PDE4D: variants seen among roughly 807,000 people sequenced by gnomAD.
The protein encoded by PDE4D is 3',5'-cyclic-AMP phosphodiesterase 4D.
In PDE4D, 24 loss-of-function variants were observed where a neutral mutation model predicts 87.4. The observed-to-expected ratio is 0.27, with a 90% confidence interval of 0.20 to 0.39. The LOEUF is 0.39. PDE4D is among the 10% of genes least tolerant of loss of function. The pLI is 1.00. For synonymous variants in PDE4D, 384 were observed against 383.2 expected (o/e 1.00, Z -0.02); for missense variants, 714 against 1,041.0 (o/e 0.69, Z 4.32).
intron 1 of PDE4D, among the ~76,000 whole-genome samples, chr5:59,342,271 C>T (rs553341609): frequency 6.6e-6 from 1 of 152,252 alleles, no homozygotes; most frequent in Non-Finnish European, 1.5e-5. Context: ...ATTTTATTTT[C>T]CTTCAAGACA....
At chr5:59,324,679 T>C (rs1205016386) in intron 1 of PDE4D, among the ~76,000 whole-genome samples, 1 of 152,162 alleles carries the variant, frequency 6.6e-6, no homozygotes, top group Non-Finnish European at 1.5e-5. Context: ...CACTTGAGGC[T>C]GGCAGAAGAG....
chr5:59,289,816 T>C (rs958698939), intron 1 of PDE4D, among the ~76,000 whole-genome samples: 1 of 151,942 alleles, frequency 6.6e-6, no homozygotes, highest in Admixed American at 6.6e-5. Context: ...AACTGATAAA[T>C]AAATTCAGCA....
intron 6 of PDE4D, among the ~76,000 whole-genome samples, chr5:59,000,519 T>C (rs1463121580): frequency 6.6e-6 from 1 of 152,122 alleles, no homozygotes; most frequent in African/African-American, 2.4e-5. Context: ...TCTCAGCTCC[T>C]TTTGTTTCTA....
Position 59,783,309 on chromosome 5 carries a change from G to A in PDE4D, c.455+109859C>T, listed in dbSNP as rs1272760041. ...GTGTGACCCAGGCATCAGTTTTTTT[G>A]TAAAACTCCTCAAGTTATTCCCATG... is the stretch of plus-strand genomic sequence containing the variant. On this transcript the variant is annotated intron_variant, in intron 1 of 14. Transcript: ENST00000340635. Among the ~76,000 whole-genome samples, 3 of 152,240 alleles carry A rather than the reference G, an allele frequency of 2.0e-5. No individual in the cohort carries two copies. In the East Asian group the frequency reaches 5.8e-4, roughly 29 times the overall value.
chr5:60,380,515 G>A (rs936482782), intron 1 of PDE4D, among the ~76,000 whole-genome samples: 4 of 152,112 alleles, frequency 2.6e-5, no homozygotes, highest in African/African-American at 7.2e-5. Flanking sequence ...CCAATGTCCC[G>A]ATCAGGGCTG....
At chr5:59,580,374 G>A (rs1823886792) in intron 1 of PDE4D, among the ~76,000 whole-genome samples, 1 of 152,222 alleles carries the variant, frequency 6.6e-6, no homozygotes, top group South Asian at 2.1e-4. Context: ...CATATGGCAT[G>A]CAGAGGAGTG....
At chr5:59,013,824 C>T (rs545246378) in intron 6 of PDE4D, among the ~76,000 whole-genome samples, 1 of 152,246 alleles carries the variant, frequency 6.6e-6, no homozygotes, top group African/African-American at 2.4e-5. Flanking sequence ...ATACCAATGC[C>T]TGGCGGAGAC....
chr5:59,675,220 C>A (rs1307425102), intron 1 of PDE4D, among the ~76,000 whole-genome samples: 2 of 151,854 alleles, frequency 1.3e-5, no homozygotes, highest in Non-Finnish European at 2.9e-5. Flanking sequence ...CAGAATACTA[C>A]TACTTTTGAA....
chr5:60,057,981 C>A (rs1770964115), intron 2 of PDE4D, among the ~76,000 whole-genome samples: 1 of 151,904 alleles, frequency 6.6e-6, no homozygotes, highest in African/African-American at 2.4e-5. Context: ...AAGATAGATT[C>A]TCTAAATCTT....
At chr5:59,009,609 C>A (rs1205948584) in intron 6 of PDE4D, among the ~76,000 whole-genome samples, 1 of 151,858 alleles carries the variant, frequency 6.6e-6, no homozygotes, top group Non-Finnish European at 1.5e-5. Flanking sequence ...CTATAAAAAG[C>A]AAGAGAAAAC....
intron 5 of PDE4D, among the ~76,000 whole-genome samples, chr5:59,156,331 A>ATATATATATATATATATATATATGTG (rs1384479557): frequency 8.1e-6 from 1 of 122,766 alleles, no homozygotes; most frequent in African/African-American, 3.4e-5. Context: ...ATATATATAT[A>ATATATATATATATATATATATATGTG]TGTGTGTGTG....
intron 1 of PDE4D, among the ~76,000 whole-genome samples, chr5:59,703,900 A>G (rs1752983281): frequency 2.0e-5 from 3 of 152,146 alleles, no homozygotes; most frequent in African/African-American, 7.2e-5. Context: ...TGTCAGTTAC[A>G]TGGCTCTGAT....
intron 1 of PDE4D, among the ~76,000 whole-genome samples, chr5:60,267,049 G>A (rs1212962735): frequency 3.3e-5 from 5 of 152,186 alleles, no homozygotes; most frequent in Non-Finnish European, 7.3e-5. Flanking sequence ...GACAGTGGGG[G>A]AACACTAAAC....
chr5:59,315,856 C>T (rs1773610180), intron 1 of PDE4D, among the ~76,000 whole-genome samples: 1 of 152,068 alleles, frequency 6.6e-6, no homozygotes, highest in Non-Finnish European at 1.5e-5. Context: ...TCACTGAGCA[C>T]GCGGCGATTA....
chr5:60,215,774 C>G (rs901699037), intron 1 of PDE4D, among the ~76,000 whole-genome samples: 1 of 152,100 alleles, frequency 6.6e-6, no homozygotes, highest in Non-Finnish European at 1.5e-5. Flanking sequence ...ATATCTTAAC[C>G]AGCCGTCCAG....
At chr5:59,201,560 C>T (rs1390777084) in intron 2 of PDE4D, among the ~76,000 whole-genome samples, 1 of 152,016 alleles carries the variant, frequency 6.6e-6, no homozygotes, top group African/African-American at 2.4e-5. Context: ...GTAAATAAAA[C>T]AATACCAAAA....
At chr5:59,085,249 G>A (rs1767455837) in intron 5 of PDE4D, among the ~76,000 whole-genome samples, 1 of 152,048 alleles carries the variant, frequency 6.6e-6, no homozygotes, top group Non-Finnish European at 1.5e-5. Flanking sequence ...GTATTTAATG[G>A]TAAGAAAAGT....
At chr5:59,532,642 C>A (rs988087981) in intron 1 of PDE4D, among the ~76,000 whole-genome samples, 14 of 152,068 alleles carry the variant, frequency 9.2e-5, no homozygotes, top group African/African-American at 3.1e-4. Context: ...TCTTAGTATC[C>A]TTACCTAAAA....
intron 1 of PDE4D, among the ~76,000 whole-genome samples, chr5:59,845,742 C>T (rs745588080): frequency 3.3e-5 from 5 of 152,136 alleles, no homozygotes; most frequent in South Asian, 2.1e-4. Flanking sequence ...GGATATGGAA[C>T]CTGATTCTAT....
Sources: allele counts gnomAD v4.1 joint callset (sites outside exome capture counted in the v4.1 genomes callset), GRCh38; gene constraint gnomAD v4.1.1; transcripts MANE v1.5; gene names NCBI Gene and HGNC (gene_info 2026-07-23, HGNC 2026-07-21).